The following DLG2 variants were observed in gnomAD, a reference collection of about 807,000 sequenced individuals.
DLG2 encodes the protein discs large MAGUK scaffold protein 2.
A neutral mutation model predicts 132.5 loss-of-function variants in DLG2; 45 were observed. The observed-to-expected ratio is 0.34, with a 90% confidence interval of 0.27 to 0.44. The LOEUF is 0.44. DLG2 is among the 20% of genes least tolerant of loss of function. The pLI is 1.00. For missense variants in DLG2, 1,045 were observed against 1,196.9 expected, an observed-to-expected ratio of 0.87 and a Z score of 1.87; for synonymous variants, 424 against 419.6, an observed-to-expected ratio of 1.01 and a Z score of -0.13.
At chr11:85,344,137 C>A (rs144056675) in intron 3 of DLG2, among the ~76,000 whole-genome samples, 1 of 152,154 alleles carries the variant, frequency 6.6e-6, no homozygotes, top group African/African-American at 2.4e-5. Flanking sequence ...TTCTTTGTAC[C>A]TCTGTCCACC....
chr11:84,250,630 C>A (rs2097359579), intron 8 of DLG2, among the ~76,000 whole-genome samples: 1 of 152,186 alleles, frequency 6.6e-6, no homozygotes, highest in African/African-American at 2.4e-5. Flanking sequence ...TAGCTGGTCT[C>A]CAATCTTCCC....
chr11:83,992,013 CAG>C (rs959289658), intron 11 of DLG2, among the ~76,000 whole-genome samples: 5 of 152,028 alleles, frequency 3.3e-5, no homozygotes, highest in Non-Finnish European at 7.4e-5. Context: ...GTAAGTGACA[CAG>C]CGATTAGAAT....
intron 1 of DLG2, among the ~76,000 whole-genome samples, 165 bp downstream of exon 1, chr11:85,627,053 C>G (rs1380958948): frequency 2.0e-5 from 3 of 152,120 alleles, no homozygotes; most frequent in Non-Finnish European, 4.4e-5. Context: ...GATAAAGATA[C>G]TCAAATCTGT....
chr11:84,612,201 T>C (rs2099596684), intron 6 of DLG2, among the ~76,000 whole-genome samples: 1 of 152,154 alleles, frequency 6.6e-6, no homozygotes. Flanking sequence ...AGCCTGGCTT[T>C]TTTCATTTGA....
At chr11:84,827,647 T>A (rs889525201) in intron 6 of DLG2, among the ~76,000 whole-genome samples, 8 of 88,018 alleles carry the variant, frequency 9.1e-5, no homozygotes, top group Non-Finnish European at 1.5e-4. Context: ...GGGAACATGA[T>A]AATAAGGCTG....
intron 21 of DLG2, among the ~76,000 whole-genome samples, chr11:83,495,862 G>A (rs1261966219): frequency 6.6e-6 from 1 of 152,008 alleles, no homozygotes. Context: ...AAACACACAG[G>A]CTTAAACTGT....
At chr11:85,354,785 C>A (rs1215624881) in intron 3 of DLG2, among the ~76,000 whole-genome samples, 2 of 151,444 alleles carry the variant, frequency 1.3e-5, no homozygotes, top group Non-Finnish European at 3.0e-5. Context: ...GCACACTTAC[C>A]CATTCTTATG....
intron 7 of DLG2, among the ~76,000 whole-genome samples, chr11:84,481,643 A>C (rs2099137992): frequency 6.6e-6 from 1 of 152,066 alleles, no homozygotes; most frequent in Admixed American, 6.6e-5. Flanking sequence ...TCTCCAAACT[A>C]TCCCTAAACC....
chr11:83,600,984 G>C (rs1238633004), intron 19 of DLG2, among the ~76,000 whole-genome samples: 1 of 152,180 alleles, frequency 6.6e-6, no homozygotes, highest in African/African-American at 2.4e-5. Context: ...TACTATCCTT[G>C]GTAGAAGTTT....
chr11:84,998,115 A>G (rs2057844765), intron 6 of DLG2, among the ~76,000 whole-genome samples: 1 of 152,102 alleles, frequency 6.6e-6, no homozygotes, highest in South Asian at 2.1e-4. Context: ...TTCCTATCAT[A>G]TTAGGTTGGT....
intron 6 of DLG2, among the ~76,000 whole-genome samples, chr11:84,584,534 A>G (rs2099524405): frequency 6.6e-6 from 1 of 150,724 alleles, no homozygotes; most frequent in South Asian, 2.1e-4. Context: ...TATTATTATT[A>G]TTTTATAGAG....
At chr11:85,048,269 T>C (rs547916502) in intron 6 of DLG2, among the ~76,000 whole-genome samples, 138 of 152,084 alleles carry the variant, frequency 9.1e-4, no homozygotes, top group Middle Eastern at 6.8e-3. Flanking sequence ...TTCTATGCAA[T>C]ATTAGTTTTT....
At chr11:84,211,260 T>C (rs2096750833) in intron 8 of DLG2, among the ~76,000 whole-genome samples, 1 of 152,212 alleles carries the variant, frequency 6.6e-6, no homozygotes, top group South Asian at 2.1e-4. Context: ...ATGGCATTCC[T>C]ATTATTGCAG....
chr11:84,611,453 A>T (rs2099595440), intron 6 of DLG2, among the ~76,000 whole-genome samples: 1 of 152,104 alleles, frequency 6.6e-6, no homozygotes, highest in Admixed American at 6.6e-5. Context: ...ACAGTTCATG[A>T]GGTCCCTGGA....
intron 10 of DLG2, among the ~76,000 whole-genome samples, chr11:84,084,397 A>G (rs1487336884): frequency 6.6e-6 from 1 of 152,170 alleles, no homozygotes; most frequent in Non-Finnish European, 1.5e-5. Context: ...AAGTAGGGAT[A>G]GTGGTGGGGG....
chr11:85,603,828 G>GA (rs1337928762), intron 2 of DLG2, among the ~76,000 whole-genome samples: 1 of 152,056 alleles, frequency 6.6e-6, no homozygotes, highest in Non-Finnish European at 1.5e-5. Flanking sequence ...GAGATGGGAG[G>GA]ATCATTTAAG....
chr11:85,267,254 A>T (rs1033460400), intron 4 of DLG2, among the ~76,000 whole-genome samples: 2 of 152,176 alleles, frequency 1.3e-5, no homozygotes, highest in Non-Finnish European at 2.9e-5. Context: ...CTATCTATAA[A>T]CCAGAAACAG....
At chr11:84,955,689 A>C (rs2051561913) in intron 6 of DLG2, 1 of 152,172 alleles carries the variant, frequency 6.6e-6, no homozygotes, top group African/African-American at 2.4e-5. Context: ...CTTTCTCAAT[A>C]AATGATGCTG....
At chr11:84,978,652 AC>A (rs2055277236) in intron 6 of DLG2, among the ~76,000 whole-genome samples, 1 of 152,228 alleles carries the variant, frequency 6.6e-6, no homozygotes, top group South Asian at 2.1e-4. Context: ...TACACGTTAT[AC>A]AAAAATTAAT....
Sources: gnomAD v4.1 joint callset for allele counts (sites outside exome capture counted in the v4.1 genomes callset) on GRCh38, gnomAD v4.1.1 for gene constraint, MANE v1.5 for transcripts, NCBI Gene and HGNC (gene_info 2026-07-23, HGNC 2026-07-21) for gene names.